RPRD2: variants seen among roughly 807,000 people sequenced by gnomAD.
RPRD2 encodes the protein regulation of nuclear pre-mRNA domain-containing protein 2.
Under a neutral mutation model 104.4 loss-of-function variants are expected in RPRD2, and 12 were observed. The observed-to-expected ratio is 0.11, with a 90% CI of 0.07 to 0.19. RPRD2 has a LOEUF of 0.19. Ranked by LOEUF, RPRD2 falls within the 10% of genes least tolerant of loss-of-function variation. The pLI is 1.00. For synonymous variants in RPRD2, 714 were observed against 684.9 expected (o/e 1.04, Z -0.66); for missense variants, 1,543 against 1,790.1 (o/e 0.86, Z 2.49).
At chr1:150,427,854 A>C (rs1665264811) in intron 2 of RPRD2, among the ~76,000 whole-genome samples, 1 of 152,158 alleles carries the variant, frequency 6.6e-6, no homozygotes, top group Admixed American at 6.6e-5. Flanking sequence ...GTATAGAAAA[A>C]ATAAAGTTAA....
At position 150,364,164 on chromosome 1, in the gene RPRD2, G is replaced by A. The variant is rs1034450301; in HGVS notation, c.-551G>A. 2.0e-5 allele frequency among the ~76,000 whole-genome samples: 3 copies of A among 152,176 alleles called. No homozygotes were observed. Among genetic ancestry groups the A allele is most frequent in the African/African-American group, 7.2e-5 (3 of 41,456 alleles). On this transcript the variant is annotated 5_prime_UTR_variant, in exon 1 of 11. Transcript: ENST00000369068. ...TGCGCGATACTGTTGCTGCCCCTTTGCTGCTATTGCGTTGCAAAAAAAATC... is the reference window on the plus strand; with the variant it reads ...TGCGCGATACTGTTGCTGCCCCTTTACTGCTATTGCGTTGCAAAAAAAATC...
chr1:150,441,231 G>A lies in RPRD2; in HGVS notation c.436+208G>A, dbSNP rs192414333. 7.8e-5 allele frequency: 34 copies of A among 436,834 alleles called. No homozygotes were observed. In the Admixed American group the frequency reaches 1.2e-3, roughly 15 times the overall value. The allele number at this position is 436,834 out of a possible 1,614,324, so 27.1% of individuals were successfully genotyped here. ...GGTTTTAGGGATGGGGTCGGATTTT[G>A]TTTTTTAGTGACTACAAAAGTCAAG... is the stretch of plus-strand genomic sequence containing the variant. On this transcript the variant is annotated intron_variant, in intron 3 of 10. Transcript: ENST00000369068.
intron 2 of RPRD2, among the ~76,000 whole-genome samples, chr1:150,427,885 C>G (rs1437159141): frequency 1.3e-5 from 2 of 151,980 alleles, no homozygotes; most frequent in South Asian, 2.1e-4. Flanking sequence ...ACACTGTACA[C>G]AGAAATATAT....
chr1:150,426,460 G>T (rs1436157521), intron 2 of RPRD2, among the ~76,000 whole-genome samples: 1 of 152,168 alleles, frequency 6.6e-6, no homozygotes, highest in Non-Finnish European at 1.5e-5. Flanking sequence ...GTCTCTTAGG[G>T]ATGCTGTGAG....
At chr1:150,390,590 AC>A (rs1476102453) in intron 1 of RPRD2, among the ~76,000 whole-genome samples, 1 of 152,192 alleles carries the variant, frequency 6.6e-6, no homozygotes, top group Non-Finnish European at 1.5e-5. Context: ...CAACTCTTAG[AC>A]AGTTATGCAA....
intron 1 of RPRD2, among the ~76,000 whole-genome samples, chr1:150,412,855 T>C (rs377212514): frequency 2.6e-5 from 4 of 152,106 alleles, no homozygotes; most frequent in Admixed American, 6.6e-5. Context: ...AAAAATACTT[T>C]CTATGAAAAT....
At chr1:150,390,183 A>C (rs1237906624) in intron 1 of RPRD2, among the ~76,000 whole-genome samples, 1 of 152,212 alleles carries the variant, frequency 6.6e-6, no homozygotes, top group South Asian at 2.1e-4. Context: ...AAACTATTGA[A>C]ATAATAAGAT....
At chr1:150,395,699 C>T (rs931568904) in intron 1 of RPRD2, among the ~76,000 whole-genome samples, 4 of 151,852 alleles carry the variant, frequency 2.6e-5, no homozygotes, top group East Asian at 1.9e-4. Context: ...TTAGTAGAGA[C>T]GGGGTTTCAC....
In RPRD2 at chr1:150,472,425, C is replaced by A. The variant is rs1370351935; in HGVS notation, c.3477C>A (p.Leu1159=). Residue 1159 remains leucine, a synonymous_variant, in exon 11 of 11, where the codon CTC becomes CTA. Coordinates refer to ENST00000369068, the MANE Select transcript of RPRD2 (RefSeq NM_015203.5). ...ASLGGGGSGG[L]TGFKTAPYKE... Reference sequence around the variant, plus strand: ...TTGGGGGTGGGGGCAGCGGAGGCCTCACTGGCTTTAAAACAGCACCATACA... The same window carrying A: ...TTGGGGGTGGGGGCAGCGGAGGCCTAACTGGCTTTAAAACAGCACCATACA... The A allele has an allele frequency of 5.6e-6, 9 of 1,613,988 alleles. No homozygotes were observed. Among genetic ancestry groups the A allele is most frequent in the Non-Finnish European group, 7.6e-6 (9 of 1,179,884 alleles).
chr1:150,469,764 T>G (rs1163780126), intron 10 of RPRD2, among the ~76,000 whole-genome samples: 1 of 152,220 alleles, frequency 6.6e-6, no homozygotes, highest in Admixed American at 6.5e-5. Context: ...GTTTTGACTG[T>G]CAGTGAACAC....
At position 150,427,211 on chromosome 1, in the gene RPRD2, G is replaced by A. The variant is rs587709879; in HGVS notation, c.335+9486G>A. The stretch of plus-strand genomic sequence containing the variant: ...GAAAAGGCCGGGTGCTGTGGCTCAC[G>A]CCTGTAATCCCAGCACCTTGGGAGA... On this transcript the variant is annotated intron_variant, in intron 2 of 10. Transcript: ENST00000369068. Among the ~76,000 whole-genome samples the A allele has an allele frequency of 1.1e-4, 17 of 152,118 alleles. No homozygotes were observed. The East Asian group carries it at 1.7e-3, about 16-fold the overall frequency.
intron 9 of RPRD2, 42 bp downstream of exon 9, chr1:150,460,359 C>A (rs1226001252): frequency 1.9e-6 from 3 of 1,539,610 alleles, no homozygotes; most frequent in Non-Finnish European, 2.7e-6. Flanking sequence ...TAATTTCCAT[C>A]TTTTTAAATT....
At chr1:150,377,900 T>G (rs1438116254) in intron 1 of RPRD2, among the ~76,000 whole-genome samples, 1 of 152,070 alleles carries the variant, frequency 6.6e-6, no homozygotes, top group African/African-American at 2.4e-5. Context: ...ATAAATTGAG[T>G]CTCAGAGAAG....
intron 1 of RPRD2, 66 bp downstream of exon 1, chr1:150,364,985 C>T (rs1659723282): frequency 6.5e-7 from 1 of 1,530,636 alleles, no homozygotes; most frequent in Non-Finnish European, 8.9e-7. Context: ...GCCTGAAACG[C>T]TTGGGGTTTT....
rs201836593 is a variant in RPRD2 at position 150,472,670 on chromosome 1, C to T, written c.3722C>T (p.Ser1241Leu). The T allele has an allele frequency of 7.7e-5, 124 of 1,613,680 alleles. No homozygotes were observed. The highest frequency in any genetic ancestry group is 1.0e-4 in the Non-Finnish European group (119 of 1,179,716). Residue 1241 changes from serine to leucine, a missense_variant, in exon 11 of 11, where the codon TCG becomes TTG. Ser to Leu is a moderately radical substitution (Grantham distance 145). Transcript: ENST00000369068. ...ACTCATCTACCCTCTGTGGATCTTT[C>T]GAACCCCTTCACAAAGGAGGCAGCC... ...APTHLPSVDLSNPFTKEAALA... is the reference protein window; with the variant it reads ...APTHLPSVDLLNPFTKEAALA...
chr1:150,435,247 T>G (rs11580810), intron 2 of RPRD2, among the ~76,000 whole-genome samples: 5 of 152,168 alleles, frequency 3.3e-5, no homozygotes, highest in Non-Finnish European at 5.9e-5. Context: ...TTCTATCTCC[T>G]GGGACCTCCT....
intron 1 of RPRD2, among the ~76,000 whole-genome samples, chr1:150,386,382 C>T (rs1627235): frequency 0.3 from 45,271 of 151,928 alleles, 8,213 homozygotes; most frequent in Non-Finnish European, 0.4. Flanking sequence ...CCCAGGAGTT[C>T]GAAACTAGTC....
At chr1:150,424,353 G>C (rs1479795611) in intron 2 of RPRD2, among the ~76,000 whole-genome samples, 1 of 151,690 alleles carries the variant, frequency 6.6e-6, no homozygotes, top group African/African-American at 2.4e-5. Flanking sequence ...GCAGCGGCAC[G>C]ATCTCGGCTC....
chr1:150,385,322 A>G (rs1661484937), intron 1 of RPRD2, among the ~76,000 whole-genome samples: 1 of 151,862 alleles, frequency 6.6e-6, no homozygotes, highest in Admixed American at 6.6e-5. Flanking sequence ...CCCACCAAAA[A>G]AAAAATTAGT....
Sources: allele counts gnomAD v4.1 joint callset (sites outside exome capture counted in the v4.1 genomes callset), GRCh38; gene constraint gnomAD v4.1.1; transcripts MANE v1.5; gene names NCBI Gene and HGNC (gene_info 2026-07-23, HGNC 2026-07-21).